The following ANKMY1 variants were observed in gnomAD, a reference collection of about 807,000 sequenced individuals.
ANKMY1 encodes ankyrin repeat and MYND domain containing 1.
ANKMY1 carries 98 observed loss-of-function variants against 102.0 expected under a neutral mutation model. The ratio of observed to expected loss-of-function variants is 0.96; its 90% CI spans 0.82 to 1.14. The LOEUF is 1.14. Ranked by LOEUF, ANKMY1 falls within the 50% of genes most tolerant of loss-of-function variation. The pLI is 0.00. For missense variants in ANKMY1, 1,330 were observed against 1,347.6 expected, an observed-to-expected ratio of 0.99 and a Z score of 0.20; for synonymous variants, 582 against 559.9, an observed-to-expected ratio of 1.04 and a Z score of -0.56.
chr2:240,560,852 C>G (rs1406288128), upstream of ANKMY1: 22 of 1,391,274 alleles, frequency 1.6e-5, no homozygotes, highest in Non-Finnish European at 2.0e-5. Flanking sequence ...GCCAGCAGCC[C>G]GGCCCGCGCG....
chr2:240,503,542 G>A (rs1170866647), intron 13 of ANKMY1, among the ~76,000 whole-genome samples: 3 of 152,180 alleles, frequency 2.0e-5, no homozygotes, highest in African/African-American at 4.8e-5. Context: ...AGCTTCACGC[G>A]TTCATTTCTG....
rs775457015 is a variant in ANKMY1 at position 240,554,841 on chromosome 2, G to A, written c.336+25C>T. The A allele has an allele frequency of 5.0e-6, 8 of 1,612,882 alleles. No homozygotes were observed. In the Middle Eastern group the frequency reaches 6.6e-4, roughly 133 times the overall value. ...GCCACCAGAGGCCCTAGGGGAGGAGGCGGAGAAAGTGTGGAAGCAGTTACC... is the reference window on the plus strand; with the variant it reads ...GCCACCAGAGGCCCTAGGGGAGGAGACGGAGAAAGTGTGGAAGCAGTTACC... On this transcript the variant is annotated intron_variant, in intron 3 of 17. Transcript: ENST00000401804.
chr2:240,542,028 G>A (rs534567622), intron 4 of ANKMY1, among the ~76,000 whole-genome samples: 39 of 151,866 alleles, frequency 2.6e-4, no homozygotes, highest in Non-Finnish European at 4.6e-4. Context: ...TGGCCAACAT[G>A]GTGAAACCCC....
upstream of ANKMY1, among the ~76,000 whole-genome samples, chr2:240,559,423 A>G (rs984812607): frequency 6.6e-6 from 1 of 152,188 alleles, no homozygotes; most frequent in Non-Finnish European, 1.5e-5. Flanking sequence ...CCATGAGAGA[A>G]CAGAGGAGCC....
chr2:240,559,861 T>TAAATG, upstream of ANKMY1, among the ~76,000 whole-genome samples: 1 of 152,376 alleles, frequency 6.6e-6, no homozygotes, highest in East Asian at 1.9e-4. Flanking sequence ...CAACTGAAAC[T>TAAATG]TCAATTGCTA....
intron 4 of ANKMY1, among the ~76,000 whole-genome samples, chr2:240,535,362 G>A (rs764475925): frequency 6.6e-6 from 1 of 152,200 alleles, no homozygotes; most frequent in Non-Finnish European, 1.5e-5. Context: ...TGGGATCAAT[G>A]GAAAGGAATG....
chr2:240,560,737 C>G (rs770127324), upstream of ANKMY1: 1 of 1,515,528 alleles, frequency 6.6e-7, no homozygotes, highest in East Asian at 2.8e-5. Context: ...GTACCTCCAC[C>G]GTTGGTGCGC....
chr2:240,527,017 C>A, intron 5 of ANKMY1: 1 of 988,892 alleles, frequency 1.0e-6, no homozygotes, highest in Non-Finnish European at 1.2e-6. Context: ...TTGATGTCTG[C>A]ATGATGGATG....
intron 15 of ANKMY1, among the ~76,000 whole-genome samples, chr2:240,484,360 AC>A (rs1454769366): frequency 6.6e-6 from 1 of 152,182 alleles, no homozygotes; most frequent in African/African-American, 2.4e-5. Flanking sequence ...AGAGATATAG[AC>A]CAATGGAACA....
chr2:240,500,547 G>A lies in ANKMY1; in HGVS notation c.2545C>T (p.His849Tyr). The A allele has an allele frequency of 3.7e-6, 6 of 1,614,122 alleles. No homozygotes were observed. Among genetic ancestry groups the A allele is most frequent in the Non-Finnish European group, 5.1e-6 (6 of 1,179,984 alleles). ...KLALIDRLIS[H>Y]GADILKPVML... ...ACAGGCTTCAGGATGTCGGCCCCGT[G>A]ACTGATGAGTCGGTCAATCTGTGGA... The change falls in exon 14 of 18, where the codon CAC becomes TAC. Residue 849 changes from histidine (H) to tyrosine (Y), a missense_variant. Physicochemically the swap from His to Tyr is moderately conservative, Grantham distance 83 (BLOSUM62 2). Coordinates refer to ENST00000401804, the MANE Select transcript of ANKMY1 (RefSeq NM_001282771.3).
At chr2:240,492,910 G>C (rs1212092241) in intron 15 of ANKMY1, among the ~76,000 whole-genome samples, 1 of 152,142 alleles carries the variant, frequency 6.6e-6, no homozygotes. Flanking sequence ...GGCTGGTCTG[G>C]AACTCCTGAC....
At chr2:240,508,143 G>A (rs2079432982) in intron 12 of ANKMY1, among the ~76,000 whole-genome samples, 1 of 152,256 alleles carries the variant, frequency 6.6e-6, no homozygotes. Flanking sequence ...CACTCGGCCA[G>A]GCACAGAAAG....
At chr2:240,535,378 G>A (rs935804657) in intron 4 of ANKMY1, among the ~76,000 whole-genome samples, 1 of 152,204 alleles carries the variant, frequency 6.6e-6, no homozygotes, top group Non-Finnish European at 1.5e-5. Context: ...GAATGTTCAG[G>A]TTAAGATAAA....
downstream of ANKMY1, among the ~76,000 whole-genome samples, chr2:240,477,664 G>A (rs1473028479): frequency 7.9e-5 from 12 of 152,154 alleles, 1 homozygote; most frequent in East Asian, 2.1e-3. Context: ...TGGGATCACA[G>A]GTATATGCCA....
At chr2:240,504,032 C>T (rs1256792093) in intron 13 of ANKMY1, among the ~76,000 whole-genome samples, 1 of 152,232 alleles carries the variant, frequency 6.6e-6, no homozygotes, top group Non-Finnish European at 1.5e-5. Context: ...CCTCCATCCT[C>T]CAGGACCAGA....
In ANKMY1 at chr2:240,530,844, T is replaced by A. The variant is rs2085191053; in HGVS notation, c.481-1335A>T. Among the ~76,000 whole-genome samples, 2 of 151,846 alleles carry A rather than the reference T, an allele frequency of 1.3e-5. 1 individual carries two copies. Among genetic ancestry groups the A allele is most frequent in the South Asian group, 4.2e-4 (2 of 4,806 alleles). On this transcript the variant is annotated intron_variant, in intron 4 of 17. Transcript: ENST00000401804. Reference sequence around the variant, plus strand: ...GGAAGGCTCGCTTGAGACCAGAAGTTCAAGGCTGCAGTGAGCTATGATCAC... The same window carrying A: ...GGAAGGCTCGCTTGAGACCAGAAGTACAAGGCTGCAGTGAGCTATGATCAC...
intron 4 of ANKMY1, among the ~76,000 whole-genome samples, chr2:240,535,230 A>G (rs2086437953): frequency 1.3e-5 from 2 of 152,264 alleles, no homozygotes; most frequent in Non-Finnish European, 2.9e-5. Flanking sequence ...AAATACATTT[A>G]GGAAATACAT....
Position 240,482,262 on chromosome 2 carries a change from C to T in ANKMY1, c.2807-1G>A. On this transcript the variant is annotated splice_acceptor_variant, in intron 15 of 17. Coordinates refer to ENST00000401804, the MANE Select transcript of ANKMY1 (RefSeq NM_001282771.3). LOFTEE classifies it high-confidence loss of function. Reference sequence around the variant, plus strand: ...ATCCTGTGGCTGGGGATCAGCTCCGCTGCATGAGAGAGGGTCCCGCATTAG... The same window carrying T: ...ATCCTGTGGCTGGGGATCAGCTCCGTTGCATGAGAGAGGGTCCCGCATTAG... 1.2e-6 allele frequency: 2 copies of T among 1,611,314 alleles called. No homozygotes were observed. Among genetic ancestry groups the T allele is most frequent in the Middle Eastern group, 1.7e-4 (1 of 6,046 alleles).
chr2:240,480,409 A>G (rs2075238324), intron 17 of ANKMY1, among the ~76,000 whole-genome samples: 1 of 152,188 alleles, frequency 6.6e-6, no homozygotes, highest in South Asian at 2.1e-4. Context: ...GGCCCTGTTC[A>G]CACCAAGGAG....
Sources: gnomAD v4.1 joint callset for allele counts (sites outside exome capture counted in the v4.1 genomes callset) on GRCh38, gnomAD v4.1.1 for gene constraint, MANE v1.5 for transcripts, NCBI Gene and HGNC (gene_info 2026-07-23, HGNC 2026-07-21) for gene names.